Variants in RNF17 observed in about 807,000 individuals in gnomAD.
The protein encoded by RNF17 is spermatogenesis associated 23.
Under a neutral mutation model 200.5 loss-of-function variants are expected in RNF17, and 31 were observed. The ratio of observed to expected loss-of-function variants is 0.15; its 90% CI spans 0.12 to 0.21. The LOEUF (loss-of-function observed/expected upper bound fraction) is 0.21. Ranked by LOEUF, RNF17 falls within the 10% of genes least tolerant of loss-of-function variation. RNF17 has a pLI of 1.00. For synonymous variants in RNF17, 606 were observed against 637.8 expected (o/e 0.95, Z 0.75); for missense variants, 1,628 against 1,905.1 (o/e 0.85, Z 2.71).
At chr13:24,837,151 C>T (rs61948292) in intron 18 of RNF17, among the ~76,000 whole-genome samples, 19,903 of 152,092 alleles carry the variant, frequency 0.13, 1,389 homozygotes, top group Non-Finnish European at 0.17. Flanking sequence ...TAACGGTAGA[C>T]GGCCTTGTCC....
In RNF17 at chr13:24,877,093, G is replaced by T. The variant is rs764150959; in HGVS notation, c.4680G>T (p.Glu1560Asp). ...GFKPPLRDLG[E>D]TRIPYCPKWS... ...AACCTCCCTTAAGGGATCTAGGGGA[G>T]ACAAGAATACCATATTGTCCCAAAT... Residue 1560 changes from glutamate to aspartate, a missense_variant, in exon 34 of 36, where the codon GAG becomes GAT. By Grantham distance (45) the Glu-to-Asp change is conservative. Coordinates refer to ENST00000255324, the MANE Select transcript of RNF17 (RefSeq NM_031277.3). 5.6e-6 allele frequency: 9 copies of T among 1,613,504 alleles called. No homozygotes were observed. Among genetic ancestry groups the T allele is most frequent in the Non-Finnish European group, 7.6e-6 (9 of 1,179,770 alleles).
Position 24,811,715 on chromosome 13 carries a change from G to A in RNF17, c.2091+7286G>A, listed in dbSNP as rs554235564. On this transcript the variant is annotated intron_variant, in intron 15 of 35. Coordinates refer to ENST00000255324, the MANE Select transcript of RNF17 (RefSeq NM_031277.3). The stretch of plus-strand genomic sequence containing the variant: ...TCTACTCCTTTGGAGGAGGAGAGGC[G>A]CTCTGCTTTTTAGAGTTTCCAGTTT... Among the ~76,000 whole-genome samples, 10 of 149,626 alleles carry A rather than the reference G, an allele frequency of 6.7e-5. No individual in the cohort carries two copies. In the East Asian group the frequency reaches 9.9e-4, roughly 15 times the overall value.
chr13:24,770,426 T>A (rs963329692), intron 2 of RNF17, among the ~76,000 whole-genome samples: 2 of 152,198 alleles, frequency 1.3e-5, no homozygotes, highest in Non-Finnish European at 1.5e-5. Flanking sequence ...TTGTATTTAA[T>A]ACTTTCTTAA....
chr13:24,807,296 C>A (rs9507414), intron 15 of RNF17, among the ~76,000 whole-genome samples: 34,549 of 150,952 alleles, frequency 0.23, 4,370 homozygotes, highest in Non-Finnish European at 0.29. Context: ...TTCTCCACAT[C>A]CTCTCCAGCA....
At chr13:24,768,991 CTTT>C (rs34548311) in intron 2 of RNF17, among the ~76,000 whole-genome samples, 11 of 105,710 alleles carry the variant, frequency 1.0e-4, no homozygotes, top group East Asian at 5.4e-4. Context: ...AACCTCTTCC[CTTT>C]TTTTTTTTTT....
intron 30 of RNF17, 106 bp from the exon 31 acceptor site, chr13:24,868,493 AC>A (rs1893909717): frequency 1.3e-4 from 44 of 332,894 alleles, no homozygotes; most frequent in Middle Eastern, 8.5e-4. Context: ...AAAAAAAAAA[AC>A]TTGCTTTCTG....
At chr13:24,749,017 G>T in the RNF17 span, among the ~76,000 whole-genome samples, 1 of 152,136 alleles carries the variant, frequency 6.6e-6, no homozygotes, top group African/African-American at 2.4e-5. Flanking sequence ...GCCTCCCAAA[G>T]TGCTGGGATT....
intron 13 of RNF17, 99 bp downstream of exon 13, chr13:24,800,633 A>G (rs1885130347): frequency 3.5e-6 from 3 of 859,070 alleles, no homozygotes; most frequent in Admixed American, 2.6e-5. Flanking sequence ...GGAACCAGTA[A>G]TCTTGATAAA....
chr13:24,880,546 T>C (rs1431603098), downstream of RNF17, among the ~76,000 whole-genome samples: 6 of 152,242 alleles, frequency 3.9e-5, no homozygotes, highest in Non-Finnish European at 1.5e-5. Context: ...TCACACAATT[T>C]TTATTTTCTA....
At chr13:24,766,244 C>T (rs1347943314) in intron 1 of RNF17, among the ~76,000 whole-genome samples, 2 of 152,126 alleles carry the variant, frequency 1.3e-5, no homozygotes, top group Non-Finnish European at 2.9e-5. Flanking sequence ...AAAATTAATG[C>T]GATTATAATT....
chr13:24,884,788 C>T (rs1176161764), downstream of RNF17, among the ~76,000 whole-genome samples: 6 of 152,188 alleles, frequency 3.9e-5, no homozygotes, highest in Admixed American at 3.9e-4. Context: ...GGATAGCACT[C>T]CAACCCTATA....
At chr13:24,848,458 T>G (rs1891491964) in intron 22 of RNF17, among the ~76,000 whole-genome samples, 1 of 152,072 alleles carries the variant, frequency 6.6e-6, no homozygotes, top group Non-Finnish European at 1.5e-5. Flanking sequence ...GGTCAGGAGT[T>G]TAAGACCAGC....
At chr13:24,852,202 A>G (rs1011533197) in intron 24 of RNF17, among the ~76,000 whole-genome samples, 6 of 148,250 alleles carry the variant, frequency 4.0e-5, no homozygotes, top group Non-Finnish European at 5.9e-5. Context: ...GCAGTGGCGC[A>G]ATCTCGGCTC....
the RNF17 span, among the ~76,000 whole-genome samples, chr13:24,749,307 C>CTTTCTTTTTTT: frequency 2.0e-4 from 22 of 108,014 alleles, no homozygotes; most frequent in South Asian, 1.3e-3. Flanking sequence ...TTCTTTCTTT[C>CTTTCTTTTTTT]TTTTTTTTTT....
Position 24,850,444 on chromosome 13 carries a change from G to A in RNF17, c.3204+1G>A. 3 of 1,578,362 alleles carry A rather than the reference G, an allele frequency of 1.9e-6. No homozygotes were observed. Among genetic ancestry groups the A allele is most frequent in the Non-Finnish European group, 2.6e-6 (3 of 1,148,806 alleles). ...TATAATCTTACAGGTGGATAGTGAGGTAACAAGTTACAAGAGATATGTGCT... is the reference window on the plus strand; with the variant it reads ...TATAATCTTACAGGTGGATAGTGAGATAACAAGTTACAAGAGATATGTGCT... On this transcript the variant is annotated splice_donor_variant, in intron 23 of 35. Transcript: ENST00000255324. LOFTEE classifies it high-confidence loss of function.
chr13:24,789,320 CATGA>C, intron 7 of RNF17, 24 bp from the exon 8 acceptor site: 1 of 1,415,530 alleles, frequency 7.1e-7, no homozygotes. Context: ...AAGATTCACA[CATGA>C]ATGATTTTTT....
intron 3 of RNF17, among the ~76,000 whole-genome samples, chr13:24,776,175 C>T (rs996993349): frequency 6.6e-6 from 1 of 152,188 alleles, no homozygotes; most frequent in African/African-American, 2.4e-5. Flanking sequence ...CCTGCAGATT[C>T]TGACTTCTAT....
chr13:24,883,340 T>C (rs1953918023), downstream of RNF17: 3 of 1,613,328 alleles, frequency 1.9e-6, no homozygotes, highest in Non-Finnish European at 2.5e-6. Context: ...TCTTTGGCCA[T>C]TATTAAACTC....
chr13:24,802,897 C>T (rs1227360286), intron 14 of RNF17, among the ~76,000 whole-genome samples: 1 of 152,004 alleles, frequency 6.6e-6, no homozygotes, highest in African/African-American at 2.4e-5. Flanking sequence ...CAACGAAATA[C>T]AAAAAGAAAT....
Sources: allele counts gnomAD v4.1 joint callset (sites outside exome capture counted in the v4.1 genomes callset), GRCh38; gene constraint gnomAD v4.1.1; transcripts MANE v1.5; gene names NCBI Gene and HGNC (gene_info 2026-07-23, HGNC 2026-07-21).